BPTF: variants seen among roughly 807,000 people sequenced by gnomAD.
BPTF encodes bromodomain PHD finger transcription factor, also known as nucleosome-remodeling factor subunit BPTF.
BPTF carries 18 observed loss-of-function variants against 292.5 expected under a neutral mutation model. The ratio of observed to expected loss-of-function variants is 0.06; its 90% confidence interval spans 0.04 to 0.09. BPTF has a LOEUF of 0.09. Among genes scored for constraint, BPTF ranks in the 10% least tolerant of loss-of-function variants. The pLI is 1.00. For synonymous variants in BPTF, 1,225 were observed against 1,251.9 expected, an observed-to-expected ratio of 0.98 and a Z score of 0.45; for missense variants, 2,726 against 3,498.7, an observed-to-expected ratio of 0.78 and a Z score of 5.57.
chr17:67,838,012 T>G (rs1167860040), intron 1 of BPTF, among the ~76,000 whole-genome samples: 25 of 152,202 alleles, frequency 1.6e-4, no homozygotes, highest in Admixed American at 1.6e-3. Flanking sequence ...TTTACTCACC[T>G]GTACAGTATA....
At chr17:67,924,007 GT>G (rs1321713196) in intron 14 of BPTF, among the ~76,000 whole-genome samples, 3 of 147,372 alleles carry the variant, frequency 2.0e-5, no homozygotes, top group Admixed American at 6.7e-5. Context: ...ACGCCTGGCT[GT>G]TTTTTTTTAA....
chr17:67,925,204 T>C (rs1437913435), intron 15 of BPTF, among the ~76,000 whole-genome samples: 1 of 152,130 alleles, frequency 6.6e-6, no homozygotes, highest in East Asian at 1.9e-4. Flanking sequence ...TTATTATCTT[T>C]AGAGTTTCAT....
intron 1 of BPTF, among the ~76,000 whole-genome samples, chr17:67,835,100 A>G (rs2057020832): frequency 6.6e-6 from 1 of 151,954 alleles, no homozygotes; most frequent in South Asian, 2.1e-4. Context: ...GTCCTACCTA[A>G]TTGGGAGGCT....
At position 67,922,907 on chromosome 17, in the gene BPTF, C is replaced by A; in HGVS notation, c.5625C>A (p.Pro1875=). ...SALRPKRPET[P]KQTGPVIIET... The stretch of plus-strand genomic sequence containing the variant: ...TGCGGCCAAAGAGACCAGAAACGCC[C>A]AAGCAAACTGGCCCTGTTATTATTG... The change falls in exon 14 of 28, where the codon CCC becomes CCA. Residue 1875 remains proline, a synonymous_variant. Coordinates refer to ENST00000306378, the MANE Select transcript of BPTF (RefSeq NM_182641.4). The A allele has an allele frequency of 6.2e-7, 1 of 1,614,112 alleles. No individual in the cohort carries two copies. The highest frequency in any genetic ancestry group is 2.2e-5 in the East Asian group (1 of 44,878).
chr17:67,908,263 A>G (rs1238906039), intron 9 of BPTF, among the ~76,000 whole-genome samples: 1 of 151,702 alleles, frequency 6.6e-6, no homozygotes, highest in Non-Finnish European at 1.5e-5. Flanking sequence ...GGTTGAAGCA[A>G]TTCTCCTGCT....
At chr17:67,873,384 G>T (rs2059867010) in intron 3 of BPTF, among the ~76,000 whole-genome samples, 1 of 151,548 alleles carries the variant, frequency 6.6e-6, no homozygotes, top group African/African-American at 2.4e-5. Context: ...CTTGAACCTG[G>T]GAGGCAGAGG....
rs1232526183 is a variant in BPTF at position 67,966,640 on chromosome 17, T to C, written c.8523T>C (p.Val2841=). 6.4e-7 allele frequency: 1 copy of C among 1,571,288 alleles called. No individual in the cohort carries two copies. The highest frequency in any genetic ancestry group is 8.6e-7 in the Non-Finnish European group (1 of 1,160,962). Reference sequence around the variant, plus strand: ...ATGATGCACCAGATTATTATGGTGTTATTAAGGAACCTATGGGTAAGTACA... The same window carrying C: ...ATGATGCACCAGATTATTATGGTGTCATTAAGGAACCTATGGGTAAGTACA... ...DPNDAPDYYG[V]IKEPMDLATM... is the part of the protein sequence containing the mutation. The change falls in exon 26 of 28, where the codon GTT becomes GTC. Residue 2841 remains valine (V), a synonymous_variant. Coordinates refer to ENST00000306378, the MANE Select transcript of BPTF (RefSeq NM_182641.4).
chr17:67,885,724 A>G (rs964385218), intron 4 of BPTF, among the ~76,000 whole-genome samples: 3 of 152,248 alleles, frequency 2.0e-5, no homozygotes, highest in Non-Finnish European at 2.9e-5. Context: ...TTGAAAAGTA[A>G]GACTATAAGC....
chr17:67,828,011 A>T (rs926141727), intron 1 of BPTF, among the ~76,000 whole-genome samples: 1 of 148,432 alleles, frequency 6.7e-6, no homozygotes, highest in African/African-American at 2.5e-5. Flanking sequence ...GGCTCACTGC[A>T]ACCTCCGTCT....
chr17:67,923,514 G>T (rs1166002736), intron 14 of BPTF, among the ~76,000 whole-genome samples: 1 of 108,396 alleles, frequency 9.2e-6, no homozygotes, highest in Non-Finnish European at 1.7e-5. Flanking sequence ...GCAGAGTCTC[G>T]CTCTGTCAGC....
At chr17:67,924,622 G>A (rs1246559552) in intron 15 of BPTF, 33 bp downstream of exon 15, 1 of 1,599,678 alleles carries the variant, frequency 6.3e-7, no homozygotes, top group African/African-American at 1.4e-5. Context: ...AGGACATCAA[G>A]GCCCAAATGG....
chr17:67,964,826 C>T (rs192488302), intron 25 of BPTF, among the ~76,000 whole-genome samples: 1,966 of 151,000 alleles, frequency 0.013, 22 homozygotes, highest in Non-Finnish European at 0.018. Context: ...GGTGAAACCC[C>T]GTCTCTACTA....
intron 26 of BPTF, among the ~76,000 whole-genome samples, chr17:67,970,123 C>CGG (rs2068599553): frequency 6.6e-6 from 1 of 151,852 alleles, no homozygotes; most frequent in African/African-American, 2.4e-5. Context: ...ATCCCAGCTA[C>CGG]TTAGGAGGCT....
At chr17:67,906,823 AT>A (rs2062235427) in intron 9 of BPTF, among the ~76,000 whole-genome samples, 1 of 152,186 alleles carries the variant, frequency 6.6e-6, no homozygotes, top group African/African-American at 2.4e-5. Context: ...GAAATCATTC[AT>A]TTAAATAAAA....
At position 67,928,319 on chromosome 17, in the gene BPTF, A is replaced by G. The variant is rs147952007; in HGVS notation, c.5752-36A>G. On this transcript the variant is annotated intron_variant, in intron 15 of 27. Coordinates refer to ENST00000306378, the MANE Select transcript of BPTF (RefSeq NM_182641.4). ...AATGGTATTGTTTTTATTTAGAACT[A>G]TTTTGATTCATGTTTCCTCTCCTTC... 83 of 1,571,478 alleles carry G rather than the reference A, an allele frequency of 5.3e-5. No individual in the cohort carries two copies. In the African/African-American group the frequency reaches 8.6e-4, roughly 16 times the overall value.
intron 20 of BPTF, 139 bp downstream of exon 20, chr17:67,944,511 C>A: frequency 1.1e-6 from 1 of 915,800 alleles, no homozygotes; most frequent in Non-Finnish European, 1.6e-6. Context: ...ACATAGTCAG[C>A]CTCACAACGT....
intron 25 of BPTF, 198 bp from the exon 26 acceptor site, chr17:67,966,374 C>A: frequency 2.0e-6 from 1 of 506,004 alleles, no homozygotes; most frequent in Non-Finnish European, 3.5e-6. Flanking sequence ...AGTCTTCTGA[C>A]CAGCCTTTGA....
At chr17:67,974,329 A>G (rs1241723078) in intron 26 of BPTF, 1 of 151,824 alleles carries the variant, frequency 6.6e-6, no homozygotes, top group Non-Finnish European at 1.5e-5. Context: ...CTCTCACGCT[A>G]CGGTCAACGT....
chr17:67,869,529 C>G (rs2059581800), intron 3 of BPTF, among the ~76,000 whole-genome samples: 1 of 152,070 alleles, frequency 6.6e-6, no homozygotes, highest in African/African-American at 2.4e-5. Context: ...TACTTAAATT[C>G]TTCTTCCTCT....
Sources: allele counts gnomAD v4.1 joint callset (sites outside exome capture counted in the v4.1 genomes callset), GRCh38; gene constraint gnomAD v4.1.1; transcripts MANE v1.5; gene names NCBI Gene and HGNC (gene_info 2026-07-23, HGNC 2026-07-21).